LOXL2: variants seen among roughly 807,000 people sequenced by gnomAD.
LOXL2 encodes lysyl oxidase like 2.
LOXL2 carries 70 observed loss-of-function variants against 93.0 expected under a neutral mutation model. The observed-to-expected ratio is 0.75, with a 90% CI of 0.62 to 0.92. LOXL2 has a LOEUF of 0.92. Among genes scored for constraint, LOXL2 ranks in the 40% least tolerant of loss-of-function variants. The pLI is 0.00. For missense variants in LOXL2, 973 were observed against 1,054.9 expected, an observed-to-expected ratio of 0.92 and a Z score of 1.08; for synonymous variants, 438 against 413.2, an observed-to-expected ratio of 1.06 and a Z score of -0.73.
chr8:23,341,269 AC>A, intron 3 of LOXL2, 66 bp from the exon 4 acceptor site: 1 of 1,310,170 alleles, frequency 7.6e-7, no homozygotes, highest in Non-Finnish European at 1.1e-6. Context: ...ACACCAGGCA[AC>A]CAGTACTTCT....
chr8:23,371,720 C>A (rs934473204), intron 1 of LOXL2, among the ~76,000 whole-genome samples: 8 of 128,554 alleles, frequency 6.2e-5, no homozygotes, highest in Admixed American at 4.7e-4. Flanking sequence ...CCACTGCACT[C>A]CAGCCTGGGC....
Position 23,367,934 on chromosome 8 carries a change from A to T in LOXL2, c.355+63T>A, listed in dbSNP as rs911043362. ...CAGCCTCCTCTCCCAGGCTGACCTC[A>T]GGGAAGGCCACTCCGGGCCTTGCCA... On this transcript the variant is annotated intron_variant, in intron 2 of 13. Transcript: ENST00000389131. 1.6e-5 allele frequency: 22 copies of T among 1,389,214 alleles called. No homozygotes were observed. The African/African-American group carries it at 2.5e-4, about 16-fold the overall frequency. 86.1% of individuals were successfully genotyped at this position (1,389,214 alleles called of 1,614,324 possible). A position where few individuals can be genotyped will look rare whatever the true frequency, so the allele number is the denominator to read the frequency against.
intron 3 of LOXL2, among the ~76,000 whole-genome samples, chr8:23,345,594 C>T (rs915184485): frequency 2.6e-5 from 4 of 152,246 alleles, no homozygotes; most frequent in African/African-American, 9.6e-5. Flanking sequence ...AAAACACGCC[C>T]ACACACATAA....
At chr8:23,402,140 A>G (rs1800159405) in intron 1 of LOXL2, among the ~76,000 whole-genome samples, 1 of 152,170 alleles carries the variant, frequency 6.6e-6, no homozygotes, top group Non-Finnish European at 1.5e-5. Flanking sequence ...GTGTGCACAC[A>G]TGCACACAGG....
chr8:23,335,336 T>C (rs951867035), intron 4 of LOXL2, among the ~76,000 whole-genome samples: 1 of 152,152 alleles, frequency 6.6e-6, no homozygotes, highest in Non-Finnish European at 1.5e-5. Context: ...GTGCTGGGAT[T>C]ATAGGCATGC....
chr8:23,324,566 G>A (rs1803548171), intron 6 of LOXL2, among the ~76,000 whole-genome samples: 1 of 152,132 alleles, frequency 6.6e-6, no homozygotes, highest in Non-Finnish European at 1.5e-5. Flanking sequence ...CTGCATCCTT[G>A]ACCTGCAGCT....
rs532235380 is a variant in LOXL2 at position 23,360,894 on chromosome 8, GT to G, written c.356-630del. Among the ~76,000 whole-genome samples the G allele has an allele frequency of 1.8e-3, 266 of 151,572 alleles. 1 individual carries two copies. The highest frequency in any genetic ancestry group is 3.4e-3 in the Admixed American group (52 of 15,234). ...CCACTGAAGGTTTGAGGTTTGTGGG[GT>G]TTTTTTTGTTTTTTGTTTTTTTTTT... On this transcript the variant is annotated intron_variant, in intron 2 of 13. Coordinates refer to ENST00000389131, the MANE Select transcript of LOXL2 (RefSeq NM_002318.3).
intron 13 of LOXL2, 121 bp downstream of exon 13, chr8:23,298,715 G>A: frequency 1.5e-6 from 1 of 647,800 alleles, no homozygotes; most frequent in Admixed American, 2.4e-5. Context: ...CCTGAATGTG[G>A]AAATGTGATG....
intron 1 of LOXL2, among the ~76,000 whole-genome samples, chr8:23,398,492 T>C (rs1407365857): frequency 6.6e-6 from 1 of 152,246 alleles, no homozygotes; most frequent in African/African-American, 2.4e-5. Context: ...AAGAAGAACC[T>C]ACTAACTGTG....
At chr8:23,355,029 G>A (rs4425761) in intron 3 of LOXL2, among the ~76,000 whole-genome samples, 26,900 of 139,904 alleles carry the variant, frequency 0.19, 2,795 homozygotes, top group Admixed American at 0.28. Context: ...CACCATCTCG[G>A]CTCACTGCAA....
chr8:23,333,736 G>C (rs1803744908), intron 4 of LOXL2, 113 bp from the exon 5 acceptor site: 3 of 815,688 alleles, frequency 3.7e-6, no homozygotes, highest in Non-Finnish European at 5.8e-6. Context: ...GCTCAGCCCT[G>C]CTTCACAGAG....
intron 1 of LOXL2, among the ~76,000 whole-genome samples, chr8:23,382,971 T>C (rs1804701702): frequency 6.6e-6 from 1 of 152,158 alleles, no homozygotes; most frequent in Non-Finnish European, 1.5e-5. Flanking sequence ...GTGTTTACTC[T>C]GGGCCCTGAC....
chr8:23,333,288 G>T, intron 5 of LOXL2, 113 bp downstream of exon 5: 1 of 957,214 alleles, frequency 1.0e-6, no homozygotes, highest in Non-Finnish European at 1.6e-6. Flanking sequence ...CCACAATGGT[G>T]ATCTCCGCTG....
At chr8:23,309,189 T>C (rs984415451) in intron 10 of LOXL2, among the ~76,000 whole-genome samples, 2 of 152,064 alleles carry the variant, frequency 1.3e-5, no homozygotes, top group African/African-American at 2.4e-5. Flanking sequence ...TTCACCGTGT[T>C]AGCCAGAATG....
intron 10 of LOXL2, among the ~76,000 whole-genome samples, chr8:23,308,984 A>T (rs1563185650): frequency 7.1e-6 from 1 of 141,612 alleles, no homozygotes; most frequent in East Asian, 2.0e-4. Context: ...ATATATATAT[A>T]TATATATTTT....
chr8:23,398,510 C>T (rs1297271200), intron 1 of LOXL2, among the ~76,000 whole-genome samples: 1 of 152,216 alleles, frequency 6.6e-6, no homozygotes, highest in East Asian at 1.9e-4. Context: ...GTGTTCCTAA[C>T]CACAACCTCA....
At chr8:23,369,900 T>A (rs2117215426) in intron 1 of LOXL2, among the ~76,000 whole-genome samples, 1 of 152,282 alleles carries the variant, frequency 6.6e-6, no homozygotes, top group Admixed American at 6.5e-5. Context: ...ATCCTCAAGC[T>A]TACCTATGCC....
chr8:23,356,288 C>T (rs1395086000), intron 3 of LOXL2, among the ~76,000 whole-genome samples: 2 of 152,218 alleles, frequency 1.3e-5, no homozygotes, highest in Non-Finnish European at 2.9e-5. Flanking sequence ...TGACTTCACC[C>T]AACTGCACGT....
intron 9 of LOXL2, among the ~76,000 whole-genome samples, chr8:23,315,905 GATAA>G (rs1163825464): frequency 1.3e-5 from 2 of 151,940 alleles, no homozygotes; most frequent in East Asian, 1.9e-4. Context: ...TAAATAAATT[GATAA>G]ATAAAGAAAA....
Sources: allele counts gnomAD v4.1 joint callset (sites outside exome capture counted in the v4.1 genomes callset), GRCh38; gene constraint gnomAD v4.1.1; transcripts MANE v1.5; gene names NCBI Gene and HGNC (gene_info 2026-07-23, HGNC 2026-07-21).